MAST4: variants seen among roughly 807,000 people sequenced by gnomAD.
MAST4 encodes the protein microtubule associated serine/threonine kinase family member 4, also known as microtubule-associated serine/threonine-protein kinase 4.
A neutral mutation model predicts 162.7 loss-of-function variants in MAST4; 89 were observed. The observed-to-expected ratio is 0.55, with a 90% confidence interval of 0.46 to 0.65. The LOEUF (loss-of-function observed/expected upper bound fraction) is 0.65. MAST4 is among the 30% of genes least tolerant of loss of function. The pLI, the probability that MAST4 is intolerant of heterozygous loss-of-function variation, is 0.00. For missense variants in MAST4, 3,153 were observed against 3,374.0 expected (o/e 0.93, Z 1.62); for synonymous variants, 1,479 against 1,361.1 (o/e 1.09, Z -1.91).
intron 3 of MAST4, among the ~76,000 whole-genome samples, chr5:66,830,540 A>T (rs182721447): frequency 2.4e-4 from 37 of 152,282 alleles, no homozygotes; most frequent in African/African-American, 8.4e-4. Flanking sequence ...TGTATAATGG[A>T]TAAGGAATAT....
intron 4 of MAST4, among the ~76,000 whole-genome samples, chr5:66,903,443 T>C (rs2149988540): frequency 7.8e-6 from 1 of 127,612 alleles, no homozygotes; most frequent in South Asian, 2.6e-4. Context: ...TGTGTTTGTG[T>C]GTGTGTGTGT....
intron 3 of MAST4, among the ~76,000 whole-genome samples, chr5:66,899,657 A>G (rs1762887878): frequency 6.6e-6 from 1 of 152,082 alleles, no homozygotes; most frequent in South Asian, 2.1e-4. Flanking sequence ...CCGTATGCTC[A>G]GTTGTAGGGC....
At chr5:67,049,008 CATATATATATATACGT>C (rs1757733008) in intron 4 of MAST4, among the ~76,000 whole-genome samples, 1 of 104,514 alleles carries the variant, frequency 9.6e-6, no homozygotes, top group East Asian at 2.2e-4. Flanking sequence ...TATACACACA[CATATATATATATACGT>C]ATATATATAT....
At chr5:66,797,974 C>T (rs1447649123) in intron 3 of MAST4, among the ~76,000 whole-genome samples, 3 of 152,102 alleles carry the variant, frequency 2.0e-5, no homozygotes, top group South Asian at 4.1e-4. Flanking sequence ...TAATCTGCAC[C>T]CTAGAATACC....
intron 2 of MAST4, among the ~76,000 whole-genome samples, chr5:66,785,092 G>A (rs1294871510): frequency 1.3e-5 from 2 of 152,202 alleles, no homozygotes; most frequent in African/African-American, 2.4e-5. Flanking sequence ...TTAGCTGGGC[G>A]TGGTGGTGCG....
At chr5:67,069,881 A>AGTGAGT (rs1760726806) in intron 5 of MAST4, among the ~76,000 whole-genome samples, 1 of 142,666 alleles carries the variant, frequency 7.0e-6, no homozygotes, top group Non-Finnish European at 1.5e-5. Context: ...TTTGAGAGAA[A>AGTGAGT]GTGTGTGTGT....
chr5:66,736,835 G>T (rs911359642), intron 1 of MAST4, among the ~76,000 whole-genome samples: 1 of 152,174 alleles, frequency 6.6e-6, no homozygotes, highest in Non-Finnish European at 1.5e-5. Flanking sequence ...GCAGTGAAGG[G>T]TACTACTCTT....
At chr5:66,941,600 G>C (rs1283826944) in intron 4 of MAST4, among the ~76,000 whole-genome samples, 1 of 152,118 alleles carries the variant, frequency 6.6e-6, no homozygotes, top group Non-Finnish European at 1.5e-5. Flanking sequence ...CAAGAAGGCT[G>C]TTTCACTTTC....
chr5:66,633,778 C>T (rs759130677), intron 1 of MAST4, among the ~76,000 whole-genome samples: 6 of 151,998 alleles, frequency 3.9e-5, no homozygotes, highest in African/African-American at 7.2e-5. Flanking sequence ...TTCATTTTTT[C>T]GTATATGCTA....
chr5:66,683,479 A>G (rs1748454423), intron 1 of MAST4, among the ~76,000 whole-genome samples: 1 of 152,188 alleles, frequency 6.6e-6, no homozygotes. Context: ...CTGTTTTTAC[A>G]CGTCCTGTCC....
At chr5:66,753,363 C>G (rs1464778220) in intron 1 of MAST4, among the ~76,000 whole-genome samples, 1 of 151,640 alleles carries the variant, frequency 6.6e-6, no homozygotes, top group Non-Finnish European at 1.5e-5. Context: ...AATCCAGGAG[C>G]TGGTTTTTTG....
chr5:67,079,152 T>C (rs575498200), intron 5 of MAST4, among the ~76,000 whole-genome samples: 1 of 150,800 alleles, frequency 6.6e-6, no homozygotes, highest in African/African-American at 2.4e-5. Flanking sequence ...AATTTAGCTC[T>C]TGGAAGTACG....
intron 4 of MAST4, among the ~76,000 whole-genome samples, chr5:67,031,416 A>C (rs1755305125): frequency 6.6e-6 from 1 of 152,116 alleles, no homozygotes; most frequent in Admixed American, 6.6e-5. Flanking sequence ...TGAACTTTGA[A>C]TAAGTTGGAA....
chr5:66,759,675 C>G (rs768792763), intron 1 of MAST4, 34 bp from the exon 2 acceptor site: 1 of 1,611,532 alleles, frequency 6.2e-7, no homozygotes, highest in Non-Finnish European at 8.5e-7. Context: ...TGTTGATGCC[C>G]TAGCCAGTGA....
intron 3 of MAST4, among the ~76,000 whole-genome samples, chr5:66,828,029 A>G (rs906585088): frequency 6.6e-6 from 1 of 152,204 alleles, no homozygotes; most frequent in Non-Finnish European, 1.5e-5. Context: ...CTGCTTATAC[A>G]CTATACATAG....
At position 67,014,626 on chromosome 5, in the gene MAST4, G is replaced by A. The variant is rs183090924; in HGVS notation, c.675-39778G>A. Among the ~76,000 whole-genome samples the A allele has an allele frequency of 6.6e-5, 10 of 152,298 alleles. No homozygotes were observed. In the East Asian group the frequency reaches 1.9e-3, roughly 29 times the overall value. ...TCTCCTGTGAAGTTCAGGCAGGTTAGCCTTTGAAATCAAGGATTTTTAAAG... is the reference window on the plus strand; with the variant it reads ...TCTCCTGTGAAGTTCAGGCAGGTTAACCTTTGAAATCAAGGATTTTTAAAG... On this transcript the variant is annotated intron_variant, in intron 4 of 28. Transcript: ENST00000403625.
intron 1 of MAST4, among the ~76,000 whole-genome samples, chr5:66,623,742 G>A (rs558816144): frequency 3.3e-5 from 5 of 152,112 alleles, no homozygotes; most frequent in South Asian, 2.1e-4. Context: ...ACTTCTCTTC[G>A]ACATTGTACT....
chr5:66,632,057 A>G (rs1020929457), intron 1 of MAST4, among the ~76,000 whole-genome samples: 1 of 152,168 alleles, frequency 6.6e-6, no homozygotes, highest in Non-Finnish European at 1.5e-5. Context: ...TTAAAATCAT[A>G]ACATTTTTCT....
chr5:66,712,028 G>A (rs1750530620), intron 1 of MAST4, among the ~76,000 whole-genome samples: 1 of 152,158 alleles, frequency 6.6e-6, no homozygotes, highest in Non-Finnish European at 1.5e-5. Flanking sequence ...CATACCTGTT[G>A]TGTGAAGATA....
Sources: allele counts gnomAD v4.1 joint callset (sites outside exome capture counted in the v4.1 genomes callset), GRCh38; gene constraint gnomAD v4.1.1; transcripts MANE v1.5; gene names NCBI Gene and HGNC (gene_info 2026-07-23, HGNC 2026-07-21).